Variants in IL12RB2 observed in about 807,000 individuals in gnomAD.
IL12RB2 encodes interleukin 12 receptor subunit beta 2, also known as interleukin-12 receptor subunit beta-2.
In IL12RB2, 82 loss-of-function variants were observed where a neutral mutation model predicts 89.4. The ratio of observed to expected loss-of-function variants is 0.92; its 90% confidence interval spans 0.77 to 1.10. IL12RB2 has a LOEUF of 1.10. Ranked by LOEUF, IL12RB2 falls within the 50% of genes least tolerant of loss-of-function variation. The probability of loss-of-function intolerance (pLI) is 0.00; values close to 1 mark genes in which losing one functional copy is unlikely to be tolerated. For synonymous variants in IL12RB2, 368 were observed against 370.1 expected, an observed-to-expected ratio of 0.99 and a Z score of 0.07; for missense variants, 963 against 1,031.9, an observed-to-expected ratio of 0.93 and a Z score of 0.92.
At chr1:67,384,022 T>TA (rs1239844241) in intron 14 of IL12RB2, among the ~76,000 whole-genome samples, 2 of 152,232 alleles carry the variant, frequency 1.3e-5, no homozygotes, top group Non-Finnish European at 2.9e-5. Flanking sequence ...TGGTGCAAGC[T>TA]GTCAGTGGAT....
intron 9 of IL12RB2, among the ~76,000 whole-genome samples, chr1:67,343,722 A>T (rs537410184): frequency 1.3e-5 from 2 of 152,298 alleles, no homozygotes; most frequent in African/African-American, 4.8e-5. Flanking sequence ...CCTTTCATAT[A>T]TATATGAAAA....
intron 16 of IL12RB2, among the ~76,000 whole-genome samples, chr1:67,393,865 G>A (rs12133473): frequency 0.15 from 23,233 of 152,022 alleles, 2,261 homozygotes; most frequent in East Asian, 0.39. Flanking sequence ...CTTGTCCCAC[G>A]GCTATTTTTT....
At chr1:67,387,700 CAAA>C (rs10667103) in intron 15 of IL12RB2, among the ~76,000 whole-genome samples, 3 of 100,740 alleles carry the variant, frequency 3.0e-5, no homozygotes, top group African/African-American at 4.4e-5. Context: ...AAGACTGTCT[CAAA>C]AAAAAAAAAA....
intron 8 of IL12RB2, among the ~76,000 whole-genome samples, chr1:67,335,067 T>C (rs1658589939): frequency 6.6e-6 from 1 of 152,198 alleles, no homozygotes. Context: ...TCCTCTAAGC[T>C]CAGCACCTAT....
chr1:67,357,110 A>C (rs2100891717), intron 10 of IL12RB2, among the ~76,000 whole-genome samples: 1 of 152,312 alleles, frequency 6.6e-6, no homozygotes, highest in Non-Finnish European at 1.5e-5. Flanking sequence ...TTATTCTGGC[A>C]CTTTGGGAGG....
At chr1:67,337,913 A>G (rs550193305) in intron 8 of IL12RB2, among the ~76,000 whole-genome samples, 6 of 144,750 alleles carry the variant, frequency 4.1e-5, no homozygotes, top group South Asian at 4.3e-4. Context: ...AAAAAAAAAA[A>G]AAAAGAAAAG....
intron 1 of IL12RB2, among the ~76,000 whole-genome samples, chr1:67,312,491 G>A (rs921242326): frequency 2.0e-5 from 3 of 152,242 alleles, no homozygotes; most frequent in African/African-American, 7.2e-5. Context: ...CAGTACAGAT[G>A]ATTGAGGGGT....
chr1:67,334,312 C>G lies in IL12RB2; in HGVS notation c.958+3502C>G, dbSNP rs143486864. On this transcript the variant is annotated intron_variant, in intron 8 of 16. Transcript: ENST00000674203. ...CAGGTCCAGATAGTAATATTTTCAG[C>G]TTTGCGGATCATACGATCTGTCGCA... Among the ~76,000 whole-genome samples, 1,241 of 152,318 alleles carry G rather than the reference C, an allele frequency of 8.1e-3. 12 individuals carry two copies. Among genetic ancestry groups the G allele is most frequent in the Non-Finnish European group, 0.013 (911 of 68,020 alleles).
intron 13 of IL12RB2, among the ~76,000 whole-genome samples, chr1:67,377,509 CCAAA>C (rs1664107204): frequency 6.6e-6 from 1 of 152,138 alleles, no homozygotes; most frequent in Non-Finnish European, 1.5e-5. Flanking sequence ...TCTTTTGTTA[CCAAA>C]CAGATAGCTG....
chr1:67,367,993 G>A lies in IL12RB2; in HGVS notation c.1427G>A (p.Ser476Asn), dbSNP rs777188555. 2.5e-6 allele frequency: 4 copies of A among 1,609,540 alleles called. No individual in the cohort carries two copies. The Admixed American group carries it at 6.7e-5, about 27-fold the overall frequency. ...CAGGTCCCTCTAAACTGGCTACGGAGTCGACCCTACAATGTGTCTGCTCTG... is the reference window on the plus strand; with the variant it reads ...CAGGTCCCTCTAAACTGGCTACGGAATCGACCCTACAATGTGTCTGCTCTG... Reference protein sequence around the residue: ...DTQVPLNWLRSRPYNVSALIS... With the variant: ...DTQVPLNWLRNRPYNVSALIS... Residue 476 changes from serine to asparagine, a missense_variant, in exon 11 of 17, where the codon AGT (serine) becomes AAT (asparagine). By Grantham distance (46) the Ser-to-Asn change is conservative. Coordinates refer to ENST00000674203, the MANE Select transcript of IL12RB2 (RefSeq NM_001374259.2).
intron 14 of IL12RB2, among the ~76,000 whole-genome samples, 170 bp downstream of exon 14, chr1:67,380,293 T>TTA (rs1290749833): frequency 1.3e-5 from 2 of 152,240 alleles, no homozygotes; most frequent in African/African-American, 4.8e-5. Flanking sequence ...ACCACTCTAC[T>TTA]ATCTTCCTGG....
At chr1:67,377,844 G>A (rs929333236) in intron 13 of IL12RB2, among the ~76,000 whole-genome samples, 5 of 152,080 alleles carry the variant, frequency 3.3e-5, no homozygotes, top group Admixed American at 6.5e-5. Flanking sequence ...ACTGAAACTC[G>A]GCGGGGTGCG....
intron 10 of IL12RB2, among the ~76,000 whole-genome samples, chr1:67,361,243 A>T (rs1662009758): frequency 6.6e-6 from 1 of 152,220 alleles, no homozygotes; most frequent in Non-Finnish European, 1.5e-5. Context: ...ACAAAAAATT[A>T]TAAGGCATTC....
chr1:67,311,025 T>C (rs1487452106), intron 1 of IL12RB2, among the ~76,000 whole-genome samples: 1 of 149,910 alleles, frequency 6.7e-6, no homozygotes, highest in Admixed American at 6.6e-5. Flanking sequence ...GTCCGTCCAG[T>C]AGGTGCTGTT....
rs1420876103 is a variant in IL12RB2 at position 67,372,416 on chromosome 1, G to A, written c.1460-20G>A. 1 of 1,312,780 alleles carries A rather than the reference G, an allele frequency of 7.6e-7. No homozygotes were observed. The highest frequency in any genetic ancestry group is 2.3e-5 in the East Asian group (1 of 43,490). 81.3% of individuals were successfully genotyped at this position (1,312,780 alleles called of 1,614,324 possible). The stretch of plus-strand genomic sequence containing the variant: ...ACCAGTAATGGCACGGCTGTTATGG[G>A]AATTCCCTTTTCCTTGCAGAGAACA... On this transcript the variant is annotated intron_variant, in intron 11 of 16. Transcript: ENST00000674203.
intron 1 of IL12RB2, among the ~76,000 whole-genome samples, chr1:67,309,557 A>G (rs1362059690): frequency 1.3e-5 from 2 of 152,190 alleles, no homozygotes; most frequent in Non-Finnish European, 2.9e-5. Flanking sequence ...GTTAGGCACA[A>G]CAGCCTCCAG....
intron 8 of IL12RB2, among the ~76,000 whole-genome samples, chr1:67,337,572 G>A (rs1189815116): frequency 2.6e-5 from 4 of 152,196 alleles, no homozygotes; most frequent in Non-Finnish European, 1.5e-5. Context: ...CAGATTGGTG[G>A]TTATTTATTT....
chr1:67,351,115 T>A lies in IL12RB2; in HGVS notation c.1258+26T>A. ...GTAAGTTCTAATTTTTCTTTAACAT[T>A]GCCTGTGGAAAACTGTGTCTTACTC... is the stretch of plus-strand genomic sequence containing the variant. On this transcript the variant is annotated intron_variant, in intron 10 of 16. Coordinates refer to ENST00000674203, the MANE Select transcript of IL12RB2 (RefSeq NM_001374259.2). 7 of 1,610,414 alleles carry A rather than the reference T, an allele frequency of 4.3e-6. No homozygotes were observed. The Admixed American group carries it at 1.2e-4, about 27-fold the overall frequency.
intron 1 of IL12RB2, among the ~76,000 whole-genome samples, chr1:67,308,600 A>G (rs1280376096): frequency 6.6e-6 from 1 of 152,114 alleles, no homozygotes; most frequent in East Asian, 1.9e-4. Flanking sequence ...TTTGTGAACT[A>G]TGAGGCCCTC....
Sources: allele counts gnomAD v4.1 joint callset (sites outside exome capture counted in the v4.1 genomes callset), GRCh38; gene constraint gnomAD v4.1.1; transcripts MANE v1.5; gene names NCBI Gene and HGNC (gene_info 2026-07-23, HGNC 2026-07-21).